Variants in FAT1 observed in about 807,000 individuals in gnomAD.
The protein encoded by FAT1 is protocadherin Fat 1.
FAT1 carries 171 observed loss-of-function variants against 329.8 expected under a neutral mutation model. The ratio of observed to expected loss-of-function variants is 0.52; its 90% CI spans 0.46 to 0.59. The LOEUF is 0.59. Ranked by LOEUF, FAT1 falls within the 20% of genes least tolerant of loss-of-function variation. The probability of loss-of-function intolerance (pLI) is 0.00; values close to 1 mark genes in which losing one functional copy is unlikely to be tolerated. For synonymous variants in FAT1, 2,233 were observed against 2,228.6 expected (o/e 1.00, Z -0.06); for missense variants, 5,672 against 5,774.4 (o/e 0.98, Z 0.57).
chr4:186,625,790 T>C (rs1445736254), intron 9 of FAT1, among the ~76,000 whole-genome samples: 1 of 152,254 alleles, frequency 6.6e-6, no homozygotes, highest in Non-Finnish European at 1.5e-5. Context: ...CTTCTGATTG[T>C]ACAGACTGTA....
At chr4:186,602,670 G>A (rs1738871612) in intron 20 of FAT1, among the ~76,000 whole-genome samples, 1 of 152,184 alleles carries the variant, frequency 6.6e-6, no homozygotes, top group Non-Finnish European at 1.5e-5. Context: ...TTAGCTGTAT[G>A]TCTATATAAT....
intron 3 of FAT1, among the ~76,000 whole-genome samples, chr4:186,650,065 C>T (rs1579387664): frequency 6.6e-6 from 1 of 152,114 alleles, no homozygotes; most frequent in Non-Finnish European, 1.5e-5. Flanking sequence ...TCACTCTACA[C>T]ACGAGACAAA....
At position 186,708,505 on chromosome 4, in the gene FAT1, A is replaced by C. The variant is rs2126697027; in HGVS notation, c.1323T>G (p.Ser441Arg). ...AGACCTTGGTGGACGCTTTTCTGTC[A>C]CTTGTTGTTACTTCAAGTTCAAAAT... ...AAHFELEVTT[S>R]DRKASTKVLV... Residue 441 changes from serine (S) to arginine (R), a missense_variant, in exon 2 of 27, where the codon AGT becomes AGG. Around this residue, in one of 2 missense-constraint regions of FAT1, gnomAD observed 3,966 missense variants for 3,915.2 expected, o/e 1.01. Transcript: ENST00000441802. 2 of 1,613,890 alleles carry C rather than the reference A, an allele frequency of 1.2e-6. No homozygotes were observed. Among genetic ancestry groups the C allele is most frequent in the Non-Finnish European group, 1.7e-6 (2 of 1,179,874 alleles).
rs1304989927 is a variant in FAT1 at position 186,628,850 on chromosome 4, AT to A, written c.4324-88del. On this transcript the variant is annotated intron_variant, in intron 7 of 26. Transcript: ENST00000441802. Reference sequence around the variant, plus strand: ...AGAACCATGAACGAAAGTCATGTATATTGAAACGATACTGTGGCAAAATAAA... The same window carrying A: ...AGAACCATGAACGAAAGTCATGTATATGAAACGATACTGTGGCAAAATAAA... The A allele has an allele frequency of 9.3e-6, 12 of 1,295,026 alleles. No homozygotes were observed. In the African/African-American group the frequency reaches 1.6e-4, roughly 18 times the overall value. 80.2% of individuals were successfully genotyped at this position (1,295,026 alleles called of 1,614,324 possible).
chr4:186,642,191 A>C (rs1741131083), intron 3 of FAT1, among the ~76,000 whole-genome samples: 1 of 152,138 alleles, frequency 6.6e-6, no homozygotes, highest in Non-Finnish European at 1.5e-5. Flanking sequence ...CTTCAGCCTG[A>C]GTCACTGCCT....
intron 1 of FAT1, among the ~76,000 whole-genome samples, chr4:186,717,521 C>A (rs1165129318): frequency 6.6e-6 from 1 of 152,222 alleles, no homozygotes; most frequent in Non-Finnish European, 1.5e-5. Context: ...TCTTTACTGA[C>A]AATGACAGTG....
chr4:186,703,813 T>C (rs924488991), intron 2 of FAT1, among the ~76,000 whole-genome samples: 3 of 152,242 alleles, frequency 2.0e-5, no homozygotes, highest in African/African-American at 4.8e-5. Context: ...TCTCTTCACC[T>C]GACACGCATC....
At chr4:186,675,073 T>C (rs1002662435) in intron 2 of FAT1, among the ~76,000 whole-genome samples, 1 of 152,042 alleles carries the variant, frequency 6.6e-6, no homozygotes, top group African/African-American at 2.4e-5. Flanking sequence ...ATAGGCTAAA[T>C]TAACTGAAAT....
At chr4:186,701,606 C>G (rs1196197164) in intron 2 of FAT1, among the ~76,000 whole-genome samples, 1 of 152,194 alleles carries the variant, frequency 6.6e-6, no homozygotes, top group African/African-American at 2.4e-5. Context: ...CACAGCAGGC[C>G]AGGCTTCCAG....
At chr4:186,658,964 GTAAA>G (rs1417208230) in intron 3 of FAT1, among the ~76,000 whole-genome samples, 2 of 152,326 alleles carry the variant, frequency 1.3e-5, no homozygotes, top group Non-Finnish European at 2.9e-5. Context: ...TCATAGTTCG[GTAAA>G]TAAACACGGC....
intron 3 of FAT1, among the ~76,000 whole-genome samples, chr4:186,662,091 G>C (rs759908071): frequency 2.0e-5 from 3 of 150,986 alleles, no homozygotes; most frequent in Admixed American, 6.6e-5. Context: ...TTTGGGAAGA[G>C]GGTAGGAAAA....
Position 186,588,446 on chromosome 4 carries a change from G to C in FAT1, c.*146C>G. On this transcript the variant is annotated 3_prime_UTR_variant, in exon 27 of 27. Transcript: ENST00000441802. ...GTAGTTGGGACACTGGAAATGGCTA[G>C]CACGTCCAGAGGCGCAGGATCCAGC... 1.1e-6 allele frequency: 1 copy of C among 925,746 alleles called. No homozygotes were observed. The highest frequency in any genetic ancestry group is 1.6e-6 in the Non-Finnish European group (1 of 636,192). 57.3% of individuals were successfully genotyped at this position (925,746 alleles called of 1,614,324 possible).
At chr4:186,684,006 G>A (rs1015892818) in intron 2 of FAT1, among the ~76,000 whole-genome samples, 5 of 112,282 alleles carry the variant, frequency 4.5e-5, no homozygotes, top group African/African-American at 1.7e-4. Flanking sequence ...AATCCACCGA[G>A]CCAACACACA....
intron 26 of FAT1, among the ~76,000 whole-genome samples, chr4:186,592,106 T>C (rs1738267978): frequency 6.6e-6 from 1 of 152,214 alleles, no homozygotes; most frequent in Non-Finnish European, 1.5e-5. Flanking sequence ...GCCTGTGTCT[T>C]CCCCATGTGA....
rs759822733 is a variant in FAT1, at chr4:186,595,719, A to G, written c.13108T>C (p.Ser4370Pro). The change falls in exon 26 of 27, where the codon TCC becomes CCC. Residue 4370 changes from serine to proline, a missense_variant. Around this residue, in one of 2 missense-constraint regions of FAT1, gnomAD observed 1,706 missense variants for 1,859.1 expected, o/e 0.92. Coordinates refer to ENST00000441802, the MANE Select transcript of FAT1 (RefSeq NM_005245.4). ...TCATCGCACGATTCGGACTGGAAGG[A>G]GCTCAGAGACTGCACTTCAGACAGG... ...ESLSEVQSLS[S>P]FQSESCDDNG... The G allele has an allele frequency of 3.1e-6, 5 of 1,613,838 alleles. No individual in the cohort carries two copies. The highest frequency in any genetic ancestry group is 4.2e-6 in the Non-Finnish European group (5 of 1,179,876).
chr4:186,636,835 T>C lies in FAT1; in HGVS notation c.3722A>G (p.Asn1241Ser), dbSNP rs1490273216. 3 of 1,613,948 alleles carry C rather than the reference T, an allele frequency of 1.9e-6. No individual in the cohort carries two copies. Among genetic ancestry groups the C allele is most frequent in the Non-Finnish European group, 2.5e-6 (3 of 1,179,914 alleles). The stretch of plus-strand genomic sequence containing the variant: ...GAACTTTTGCAGAAACTGAGGTTTG[T>C]TGTCATTTTCATCAAGGATTTTCAC... Reference protein sequence around the residue: ...VIVKILDENDNKPQFLQKFYK... With the variant: ...VIVKILDENDSKPQFLQKFYK... Residue 1241 changes from asparagine (N) to serine (S), a missense_variant, in exon 5 of 27, where the codon AAC becomes AGC. By Grantham distance (46) the Asn-to-Ser change is conservative. Transcript: ENST00000441802.
At chr4:186,592,018 C>G (rs1305453288) in intron 26 of FAT1, among the ~76,000 whole-genome samples, 1 of 152,186 alleles carries the variant, frequency 6.6e-6, no homozygotes, top group African/African-American at 2.4e-5. Flanking sequence ...ATCAGAAATG[C>G]TGGTGCTGAG....
At chr4:186,665,808 C>T (rs950062978) in intron 2 of FAT1, among the ~76,000 whole-genome samples, 19 of 151,766 alleles carry the variant, frequency 1.3e-4, no homozygotes, top group Admixed American at 3.9e-4. Context: ...AGTGATAGAC[C>T]GGATTAAGAA....
At chr4:186,685,202 G>A (rs1376924346) in intron 2 of FAT1, among the ~76,000 whole-genome samples, 1 of 152,162 alleles carries the variant, frequency 6.6e-6, no homozygotes, top group African/African-American at 2.4e-5. Flanking sequence ...AAAGGCAAAG[G>A]CTCTTCTCAC....
Sources: allele counts gnomAD v4.1 joint callset (sites outside exome capture counted in the v4.1 genomes callset), GRCh38; gene constraint gnomAD v4.1.1; regional missense constraint gnomAD v4.1.1; transcripts MANE v1.5; gene names NCBI Gene and HGNC (gene_info 2026-07-23, HGNC 2026-07-21).